The following OPCML variants were observed in gnomAD, a reference collection of about 807,000 sequenced individuals.
OPCML encodes the protein opioid binding protein/cell adhesion molecule like.
A neutral mutation model predicts 37.8 loss-of-function variants in OPCML; 13 were observed. That is an observed-to-expected ratio of 0.34 (90% CI 0.22 to 0.55). The LOEUF (loss-of-function observed/expected upper bound fraction) is 0.55. Among genes scored for constraint, OPCML ranks in the 20% least tolerant of loss-of-function variants. The pLI is 0.91. For missense variants in OPCML, 341 were observed against 435.6 expected, an observed-to-expected ratio of 0.78 and a Z score of 1.93; for synonymous variants, 176 against 168.8, an observed-to-expected ratio of 1.04 and a Z score of -0.33.
chr11:132,584,596 C>G (rs2096468641), intron 3 of OPCML, among the ~76,000 whole-genome samples: 1 of 152,146 alleles, frequency 6.6e-6, no homozygotes. Flanking sequence ...GTGTGCTGCT[C>G]TCTGTAAACA....
intron 2 of OPCML, among the ~76,000 whole-genome samples, chr11:132,893,948 G>A (rs1943744107): frequency 6.6e-6 from 1 of 152,120 alleles, no homozygotes; most frequent in South Asian, 2.1e-4. Context: ...ACTTCTAGAA[G>A]CTAAAGATGC....
chr11:132,757,189 C>T (rs1000823750), intron 2 of OPCML, among the ~76,000 whole-genome samples: 3 of 152,272 alleles, frequency 2.0e-5, no homozygotes, highest in Admixed American at 2.0e-4. Flanking sequence ...TGTTCTTTAT[C>T]CAGTCTATCA....
intron 4 of OPCML, among the ~76,000 whole-genome samples, chr11:132,459,410 CACAT>C (rs71477764): frequency 0.45 from 64,919 of 144,172 alleles, 15,485 homozygotes; most frequent in East Asian, 0.86. Context: ...TCTCTCTTCA[CACAT>C]ACATACATAC....
chr11:133,439,468 T>C (rs1946313796), intron 1 of OPCML: 2 of 983,838 alleles, frequency 2.0e-6, no homozygotes, highest in Non-Finnish European at 2.4e-6. Context: ...TTCTTTGTTT[T>C]TGTTTTTTTT....
At chr11:132,605,484 AAC>A (rs1938225932) in intron 3 of OPCML, among the ~76,000 whole-genome samples, 1 of 152,142 alleles carries the variant, frequency 6.6e-6, no homozygotes, top group Non-Finnish European at 1.5e-5. Flanking sequence ...GAATAGCCTG[AAC>A]CCGGGAGGTG....
intron 1 of OPCML, among the ~76,000 whole-genome samples, chr11:133,511,544 C>T (rs1591584047): frequency 6.6e-6 from 1 of 152,206 alleles, no homozygotes; most frequent in East Asian, 1.9e-4. Context: ...AGGTCTTGCA[C>T]CAGCCAGTCC....
At chr11:133,025,778 G>A (rs1233725980) in intron 1 of OPCML, among the ~76,000 whole-genome samples, 7 of 141,146 alleles carry the variant, frequency 5.0e-5, no homozygotes, top group Non-Finnish European at 7.5e-5. Context: ...CTGTCGCCCA[G>A]GCTGGAGTGC....
At chr11:133,504,173 G>T (rs1205062912) in intron 1 of OPCML, among the ~76,000 whole-genome samples, 1 of 152,186 alleles carries the variant, frequency 6.6e-6, no homozygotes, top group African/African-American at 2.4e-5. Flanking sequence ...AGGCAGACCT[G>T]TCCTGAAAAG....
chr11:132,519,406 T>C (rs897295111), intron 4 of OPCML, among the ~76,000 whole-genome samples: 1 of 152,062 alleles, frequency 6.6e-6, no homozygotes, highest in Admixed American at 6.6e-5. Context: ...TAGATTGCTC[T>C]GCCATCCTCC....
At chr11:133,196,232 C>T (rs1382255854) in intron 1 of OPCML, among the ~76,000 whole-genome samples, 2 of 152,142 alleles carry the variant, frequency 1.3e-5, no homozygotes, top group African/African-American at 4.8e-5. Context: ...CTCCCTAAAT[C>T]GATTCTGCCC....
intron 1 of OPCML, among the ~76,000 whole-genome samples, chr11:133,315,417 A>G (rs1021793844): frequency 6.6e-6 from 1 of 152,176 alleles, no homozygotes; most frequent in East Asian, 1.9e-4. Flanking sequence ...GAAAACCACT[A>G]CTAGCACTAA....
chr11:132,454,605 C>A (rs1005703394), intron 4 of OPCML, among the ~76,000 whole-genome samples: 2 of 152,224 alleles, frequency 1.3e-5, no homozygotes, highest in Admixed American at 6.5e-5. Context: ...GAGAAGCCAG[C>A]ACCCAGGGCC....
At chr11:132,995,864 A>C (rs1406836055) in intron 1 of OPCML, among the ~76,000 whole-genome samples, 1 of 152,342 alleles carries the variant, frequency 6.6e-6, no homozygotes, top group African/African-American at 2.4e-5. Context: ...AGGGTGAAAG[A>C]AGCAGCTAAC....
intron 1 of OPCML, among the ~76,000 whole-genome samples, chr11:133,042,216 G>A (rs755188210): frequency 1.8e-4 from 27 of 152,190 alleles, no homozygotes; most frequent in East Asian, 3.9e-4. Flanking sequence ...CCTCGCCCAC[G>A]TGGCCAGCCC....
At chr11:133,183,230 C>G (rs1044627199) in intron 1 of OPCML, among the ~76,000 whole-genome samples, 1 of 152,068 alleles carries the variant, frequency 6.6e-6, no homozygotes, top group South Asian at 2.1e-4. Flanking sequence ...TTGGATTCTG[C>G]CAAAAGTAAA....
At chr11:133,236,457 C>T (rs1035027315) in intron 1 of OPCML, among the ~76,000 whole-genome samples, 3 of 152,120 alleles carry the variant, frequency 2.0e-5, no homozygotes, top group South Asian at 2.1e-4. Context: ...GAAGGGCCAA[C>T]GACTGCAGTT....
intron 1 of OPCML, among the ~76,000 whole-genome samples, chr11:132,987,002 G>A (rs1236292896): frequency 1.3e-5 from 2 of 152,140 alleles, no homozygotes; most frequent in South Asian, 2.1e-4. Flanking sequence ...AATGTGGGAG[G>A]GAGCACAGGA....
At chr11:133,043,314 G>T (rs1947944055) in intron 1 of OPCML, among the ~76,000 whole-genome samples, 2 of 152,174 alleles carry the variant, frequency 1.3e-5, no homozygotes, top group African/African-American at 4.8e-5. Context: ...GATCGTGAGA[G>T]GGCACATATG....
At chr11:133,492,948 A>G (rs940535090) in intron 1 of OPCML, among the ~76,000 whole-genome samples, 2 of 152,196 alleles carry the variant, frequency 1.3e-5, no homozygotes, top group Admixed American at 6.5e-5. Flanking sequence ...AGAATATGCC[A>G]TAAGAAGCAT....
Sources: gnomAD v4.1 joint callset for allele counts (sites outside exome capture counted in the v4.1 genomes callset) on GRCh38, gnomAD v4.1.1 for gene constraint, MANE v1.5 for transcripts, NCBI Gene and HGNC (gene_info 2026-07-23, HGNC 2026-07-21) for gene names.